The following GLB1 variants were observed in gnomAD, a reference collection of about 807,000 sequenced individuals.
GLB1 encodes the protein beta-galactosidase.
In GLB1, 56 loss-of-function variants were observed where a neutral mutation model predicts 74.0. The observed-to-expected ratio is 0.76, with a 90% confidence interval of 0.61 to 0.94. The LOEUF is 0.94. GLB1 is among the 40% of genes least tolerant of loss of function. The pLI is 0.00. For synonymous variants in GLB1, 323 were observed against 323.6 expected (o/e 1.00, Z 0.02); for missense variants, 787 against 845.5 (o/e 0.93, Z 0.86).
intron 2 of GLB1, among the ~76,000 whole-genome samples, chr3:33,070,032 A>G (rs1699835800): frequency 1.3e-5 from 2 of 150,986 alleles, no homozygotes; most frequent in Admixed American, 1.3e-4. Context: ...ATGTTTAGCT[A>G]CCACTTATAA....
At chr3:32,992,837 G>C (rs1696247225), downstream of GLB1, among the ~76,000 whole-genome samples, 1 of 152,248 alleles carries the variant, frequency 6.6e-6, no homozygotes, top group Non-Finnish European at 1.5e-5. Context: ...CAACCAGAAA[G>C]CTGCTGGGCA....
chr3:33,040,988 T>C (rs1244502554), intron 10 of GLB1, among the ~76,000 whole-genome samples: 1 of 152,174 alleles, frequency 6.6e-6, no homozygotes, highest in Non-Finnish European at 1.5e-5. Flanking sequence ...TTGAAGAACA[T>C]ATTTCAAGAC....
At chr3:33,012,370 T>C (rs1697063647) in intron 15 of GLB1, among the ~76,000 whole-genome samples, 1 of 152,100 alleles carries the variant, frequency 6.6e-6, no homozygotes, top group African/African-American at 2.4e-5. Context: ...GGGCCCCCTC[T>C]GGGAGGTGAT....
chr3:33,012,746 C>G (rs1697080165), intron 15 of GLB1, among the ~76,000 whole-genome samples: 1 of 152,144 alleles, frequency 6.6e-6, no homozygotes, highest in Non-Finnish European at 1.5e-5. Context: ...CCATTCTGCC[C>G]AGCTGCAAGC....
the GLB1 span, among the ~76,000 whole-genome samples, chr3:32,980,667 G>C: frequency 6.6e-6 from 1 of 152,052 alleles, no homozygotes; most frequent in African/African-American, 2.4e-5. Flanking sequence ...TGTAATCCCA[G>C]CTACTTGGGA....
At chr3:33,077,232 T>C (rs1377542988) in intron 1 of GLB1, 3 of 1,549,336 alleles carry the variant, frequency 1.9e-6, no homozygotes, top group Middle Eastern at 3.4e-4. Flanking sequence ...AAGGAAGGAA[T>C]CGAGACTGAG....
chr3:33,092,267 C>T, intron 1 of GLB1: 1 of 986,266 alleles, frequency 1.0e-6, no homozygotes, highest in South Asian at 4.7e-5. Flanking sequence ...CTGATGCCCT[C>T]AATAGAGGTG....
At chr3:32,978,651 G>A in the GLB1 span, among the ~76,000 whole-genome samples, 3 of 152,186 alleles carry the variant, frequency 2.0e-5, no homozygotes, top group Non-Finnish European at 4.4e-5. Flanking sequence ...AACATTACAT[G>A]TGATAGATCT....
At chr3:32,984,463 C>G in the GLB1 span, among the ~76,000 whole-genome samples, 2,370 of 152,254 alleles carry the variant, frequency 0.016, 65 homozygotes, top group African/African-American at 0.052. Context: ...TAGTTTCATA[C>G]TTATTTTGCT....
chr3:33,018,534 T>C lies in GLB1; in HGVS notation c.1261A>G (p.Thr421Ala), dbSNP rs779877504. Residue 421 changes from threonine (T) to alanine (A), a missense_variant, in exon 13 of 16, where the codon ACA (threonine) becomes GCA (alanine). Physicochemically the swap from Thr to Ala is moderately conservative, Grantham distance 58 (BLOSUM62 0). Coordinates refer to ENST00000307363, the MANE Select transcript of GLB1 (RefSeq NM_000404.4). ...QHYGFVLYRT[T>A]LPQDCSNPAP... ...GGGTTGCTGCAATCTTGAGGAAGTGTTGTCCGGTACAGCACAAACCCATAA... is the reference window on the plus strand; with the variant it reads ...GGGTTGCTGCAATCTTGAGGAAGTGCTGTCCGGTACAGCACAAACCCATAA... 5.6e-6 allele frequency: 9 copies of C among 1,614,002 alleles called. No homozygotes were observed. Among genetic ancestry groups the C allele is most frequent in the Non-Finnish European group, 7.6e-6 (9 of 1,180,006 alleles).
intron 10 of GLB1, among the ~76,000 whole-genome samples, chr3:33,044,737 G>A (rs965069635): frequency 1.3e-5 from 2 of 151,834 alleles, no homozygotes; most frequent in Admixed American, 6.6e-5. Flanking sequence ...AAATTAAAAC[G>A]ACATCATACT....
rs57935919 is a variant in GLB1, at chr3:33,087,579, GCACACACACACACACACACA to G, written c.75+9412_75+9431del. Among the ~76,000 whole-genome samples the G allele has an allele frequency of 9.8e-3, 1,391 of 141,888 alleles. 19 individuals carry two copies. The highest frequency in any genetic ancestry group is 0.026 in the African/African-American group (996 of 37,710). The allele number at this position is 141,888 out of a possible 152,430, so 93.1% of individuals were successfully genotyped here. On this transcript the variant is annotated intron_variant, in intron 1 of 15. Coordinates refer to ENST00000307363, the MANE Select transcript of GLB1 (RefSeq NM_000404.4). ...AGCAAGACCATGTCTCAGCATGCGCGCACACACACACACACACACACACACACACACACACACACACACAC... is the reference window on the plus strand; with the variant it reads ...AGCAAGACCATGTCTCAGCATGCGCGCACACACACACACACACACACACAC...
intron 15 of GLB1, among the ~76,000 whole-genome samples, chr3:33,006,011 C>T (rs1160145739): frequency 1.3e-5 from 2 of 152,350 alleles, no homozygotes; most frequent in South Asian, 2.1e-4. Flanking sequence ...ATCCCACTCA[C>T]ACCATGCTCT....
At chr3:33,070,751 AG>A (rs1699860176) in intron 2 of GLB1, among the ~76,000 whole-genome samples, 1 of 152,168 alleles carries the variant, frequency 6.6e-6, no homozygotes, top group African/African-American at 2.4e-5. Flanking sequence ...CAGGAGGCTG[AG>A]GTGGGAGGAT....
intron 1 of GLB1, among the ~76,000 whole-genome samples, chr3:33,086,768 T>C (rs1425420140): frequency 6.6e-6 from 1 of 151,804 alleles, no homozygotes; most frequent in African/African-American, 2.4e-5. Flanking sequence ...CTTGAACAAA[T>C]AAATGATAAA....
intron 1 of GLB1, among the ~76,000 whole-genome samples, chr3:33,087,617 ACACACACACACACT>A (rs1700572741): frequency 6.9e-6 from 1 of 145,546 alleles, no homozygotes; most frequent in Non-Finnish European, 1.6e-5. Context: ...ACACACACAC[ACACACACACACACT>A]CAAAGAAAAA....
At chr3:33,062,895 T>C (rs900208198) in intron 5 of GLB1, among the ~76,000 whole-genome samples, 3 of 152,114 alleles carry the variant, frequency 2.0e-5, no homozygotes, top group Non-Finnish European at 4.4e-5. Context: ...GTTCGGTGGG[T>C]ATGTGATGTG....
chr3:32,999,412 T>C (rs1290180301), intron 15 of GLB1, among the ~76,000 whole-genome samples: 1 of 152,142 alleles, frequency 6.6e-6, no homozygotes, highest in Non-Finnish European at 1.5e-5. Context: ...CCACACAGGC[T>C]TCATGCTATG....
At chr3:32,980,962 A>T in the GLB1 span, among the ~76,000 whole-genome samples, 1 of 151,514 alleles carries the variant, frequency 6.6e-6, no homozygotes, top group East Asian at 1.9e-4. Context: ...ATGCTGGTAC[A>T]CACCTGTAAT....
Sources: allele counts gnomAD v4.1 joint callset (sites outside exome capture counted in the v4.1 genomes callset), GRCh38; gene constraint gnomAD v4.1.1; transcripts MANE v1.5; gene names NCBI Gene and HGNC (gene_info 2026-07-23, HGNC 2026-07-21).